The following ADD1 variants were observed in gnomAD, a reference collection of about 807,000 sequenced individuals.
ADD1 encodes the protein alpha-adducin.
Under a neutral mutation model 80.5 loss-of-function variants are expected in ADD1, and 24 were observed. The observed-to-expected ratio is 0.30, with a 90% CI of 0.22 to 0.42. The LOEUF (loss-of-function observed/expected upper bound fraction) is 0.42. Among genes scored for constraint, ADD1 ranks in the 10% least tolerant of loss-of-function variants. The pLI is 1.00. For missense variants in ADD1, 948 were observed against 1,019.0 expected, an observed-to-expected ratio of 0.93 and a Z score of 0.95; for synonymous variants, 373 against 393.8, an observed-to-expected ratio of 0.95 and a Z score of 0.63.
At chr4:2,918,508 T>TTC (rs1159635843) in intron 14 of ADD1, among the ~76,000 whole-genome samples, 1 of 152,202 alleles carries the variant, frequency 6.6e-6, no homozygotes, top group African/African-American at 2.4e-5. Context: ...ACTATATTTT[T>TTC]TTCTCTTGCC....
intron 1 of ADD1, among the ~76,000 whole-genome samples, chr4:2,869,371 T>G (rs943880468): frequency 6.6e-6 from 1 of 150,612 alleles, no homozygotes; most frequent in African/African-American, 2.4e-5. Context: ...ACCTCTGCCT[T>G]CATCTACACT....
rs534520818 is a variant in ADD1 at position 2,864,423 on chromosome 4, A to G, written c.-20-11473A>G. 3.2e-4 allele frequency among the ~76,000 whole-genome samples: 49 copies of G among 152,344 alleles called. No individual in the cohort carries two copies. In the South Asian group the frequency reaches 6.8e-3, roughly 21 times the overall value. On this transcript the variant is annotated intron_variant, in intron 1 of 15. Coordinates refer to ENST00000683351, the MANE Select transcript of ADD1 (RefSeq NM_001354761.2). ...GAGCGAGACTCCGCCTCAAAAAACA[A>G]AACAAAACAAAACAAAAAACAGGAT...
chr4:2,856,863 T>A (rs1728158739), intron 1 of ADD1, among the ~76,000 whole-genome samples: 1 of 151,886 alleles, frequency 6.6e-6, no homozygotes, highest in Non-Finnish European at 1.5e-5. Flanking sequence ...AGTGCTGGAA[T>A]TACAGGTGTG....
At chr4:2,885,839 T>C (rs550018447) in intron 4 of ADD1, among the ~76,000 whole-genome samples, 2 of 152,172 alleles carry the variant, frequency 1.3e-5, no homozygotes, top group East Asian at 1.9e-4. Flanking sequence ...CTCGATCTCC[T>C]GACCTTGTGA....
At chr4:2,873,562 A>G (rs924734906) in intron 1 of ADD1, among the ~76,000 whole-genome samples, 4 of 152,218 alleles carry the variant, frequency 2.6e-5, no homozygotes, top group Admixed American at 2.6e-4. Context: ...TACCTGCCTT[A>G]TCTTAAATAT....
At chr4:2,925,492 C>T (rs1740815561) in intron 14 of ADD1, among the ~76,000 whole-genome samples, 1 of 152,142 alleles carries the variant, frequency 6.6e-6, no homozygotes, top group Admixed American at 6.5e-5. Flanking sequence ...GCATTTTTTC[C>T]TCTGGTTCTT....
At chr4:2,852,462 G>T (rs1391355591) in intron 1 of ADD1, among the ~76,000 whole-genome samples, 3 of 149,946 alleles carry the variant, frequency 2.0e-5, no homozygotes, top group Non-Finnish European at 3.0e-5. Flanking sequence ...GAGTAGCTGG[G>T]ATTACAGGTG....
At chr4:2,885,851 C>G (rs1382161809) in intron 4 of ADD1, among the ~76,000 whole-genome samples, 1 of 152,104 alleles carries the variant, frequency 6.6e-6, no homozygotes. Context: ...ACCTTGTGAT[C>G]CGCCCGCCTT....
At position 2,874,115 on chromosome 4, in the gene ADD1, G is replaced by A. The variant is rs1045492235; in HGVS notation, c.-20-1781G>A. On this transcript the variant is annotated intron_variant, in intron 1 of 15. Transcript: ENST00000683351. Reference sequence around the variant, plus strand: ...TGTAGTCTCAGCTATGCAGGAGGCTGAGGCAGTGGGATGGCTTGAGAGCCC... The same window carrying A: ...TGTAGTCTCAGCTATGCAGGAGGCTAAGGCAGTGGGATGGCTTGAGAGCCC... Among the ~76,000 whole-genome samples, 8 of 152,284 alleles carry A rather than the reference G, an allele frequency of 5.3e-5. No individual in the cohort carries two copies. In the East Asian group the frequency reaches 7.7e-4, roughly 15 times the overall value.
intron 4 of ADD1, among the ~76,000 whole-genome samples, chr4:2,892,059 C>T (rs186079996): frequency 1.3e-5 from 2 of 152,098 alleles, no homozygotes; most frequent in African/African-American, 4.8e-5. Context: ...GGGCTCTCAG[C>T]GAGTAGGTGG....
At chr4:2,850,804 A>C (rs999737521) in intron 1 of ADD1, among the ~76,000 whole-genome samples, 3 of 150,464 alleles carry the variant, frequency 2.0e-5, no homozygotes, top group Admixed American at 2.0e-4. Context: ...TCCTGACCTC[A>C]AGTGACCCAC....
At position 2,884,680 on chromosome 4, in the gene ADD1, G is replaced by A; in HGVS notation, c.510+14G>A. ...AATCATATCACAGTGAGTATTAAAT[G>A]GGCTAGTAACTGAACGATAAATGAA... On this transcript the variant is annotated intron_variant, in intron 4 of 15. Coordinates refer to ENST00000683351, the MANE Select transcript of ADD1 (RefSeq NM_001354761.2). 1 of 1,587,758 alleles carries A rather than the reference G, an allele frequency of 6.3e-7. No individual in the cohort carries two copies. Among genetic ancestry groups the A allele is most frequent in the Non-Finnish European group, 8.6e-7 (1 of 1,162,336 alleles).
rs560862858 is a variant in ADD1 at position 2,925,037 on chromosome 4, G to A, written c.1949-977G>A. On this transcript the variant is annotated intron_variant, in intron 14 of 15. Transcript: ENST00000683351. ...GAGTGGATGGGGACAGGCTCTGGCC[G>A]TGCTCTGTGATCACAGAGCTGTCAG... 6.0e-4 allele frequency among the ~76,000 whole-genome samples: 91 copies of A among 152,340 alleles called. 2 individuals carry two copies. The highest frequency in any genetic ancestry group is 1.9e-3 in the African/African-American group (80 of 41,584).
intron 14 of ADD1, among the ~76,000 whole-genome samples, chr4:2,917,643 C>A (rs571666357): frequency 1.3e-5 from 2 of 152,248 alleles, no homozygotes; most frequent in East Asian, 3.9e-4. Context: ...AGGTTTTCTT[C>A]TAGGATTTTT....
intron 13 of ADD1, among the ~76,000 whole-genome samples, chr4:2,913,039 G>A (rs1201045227): frequency 6.6e-6 from 1 of 151,958 alleles, no homozygotes; most frequent in African/African-American, 2.4e-5. Context: ...GTAGAGACAG[G>A]TTTTCGCTGT....
intron 14 of ADD1, among the ~76,000 whole-genome samples, chr4:2,919,431 C>A (rs942461214): frequency 5.3e-5 from 8 of 151,942 alleles, no homozygotes; most frequent in Admixed American, 4.6e-4. Context: ...CTTTCTGTAC[C>A]TCTGGTAGAA....
In ADD1 at chr4:2,928,340, C is replaced by T; in HGVS notation, c.2217C>T (p.Ala739=). 6.2e-7 allele frequency: 1 copy of T among 1,613,818 alleles called. No homozygotes were observed. The highest frequency in any genetic ancestry group is 8.5e-7 in the Non-Finnish European group (1 of 1,179,936). Residue 739 remains alanine (A), a synonymous_variant, in exon 16 of 16, where the codon GCC becomes GCT. Transcript: ENST00000683351. ...GCCCCACTGAGGCCCCTACTGAGGC[C>T]AGCCCCGAGCCAGCCCCAGACCCAG... ...PPSPTEAPTE[A]SPEPAPDPAP...
At position 2,928,172 on chromosome 4, in the gene ADD1, C is replaced by T. The variant is rs746263034; in HGVS notation, c.2049C>T (p.Asp683=). 2.9e-5 allele frequency: 47 copies of T among 1,613,912 alleles called. No individual in the cohort carries two copies. The highest frequency in any genetic ancestry group is 1.7e-6 in the Non-Finnish European group (2 of 1,179,954). Residue 683 remains aspartate (D), a splice_region_variant and synonymous_variant, in exon 16 of 16, where the codon GAC becomes GAT. Transcript: ENST00000683351. ...PPSTPIKLEE[D]LVPEPTTGDD... ...CCCATCTCTCACCTCACCCACTAGA[C>T]CTTGTGCCGGAGCCGACTACTGGAG...
chr4:2,914,901 C>T lies in ADD1; in HGVS notation c.1809C>T (p.Ala603=), dbSNP rs1378718058. The part of the protein sequence containing the change: ...LSFRKGELVT[A]SKAIIEKEYQ... ...ATCCACAGGGAGAGCTGGTGACGGC[C>T]TCCAAGGCCATCATTGAAAAGGAGT... Residue 603 remains alanine, a synonymous_variant, in exon 14 of 16, where the codon GCC becomes GCT. Transcript: ENST00000683351. 2 of 1,612,686 alleles carry T rather than the reference C, an allele frequency of 1.2e-6. No homozygotes were observed. The highest frequency in any genetic ancestry group is 1.7e-6 in the Non-Finnish European group (2 of 1,179,330).
Sources: gnomAD v4.1 joint callset for allele counts (sites outside exome capture counted in the v4.1 genomes callset) on GRCh38, gnomAD v4.1.1 for gene constraint, MANE v1.5 for transcripts, NCBI Gene and HGNC (gene_info 2026-07-23, HGNC 2026-07-21) for gene names.